CALD1: variants seen among roughly 807,000 people sequenced by gnomAD.
The protein encoded by CALD1 is caldesmon 1.
Under a neutral mutation model 99.9 loss-of-function variants are expected in CALD1, and 33 were observed. The ratio of observed to expected loss-of-function variants is 0.33; its 90% CI spans 0.25 to 0.44. CALD1 has a LOEUF of 0.44. Ranked by LOEUF, CALD1 falls within the 20% of genes least tolerant of loss-of-function variation. The pLI is 1.00. For synonymous variants in CALD1, 310 were observed against 325.0 expected (o/e 0.95, Z 0.50); for missense variants, 861 against 962.1 (o/e 0.89, Z 1.39).
At chr7:134,939,799 C>T (rs1171509507) in intron 6 of CALD1, among the ~76,000 whole-genome samples, 5 of 152,004 alleles carry the variant, frequency 3.3e-5, no homozygotes, top group African/African-American at 1.2e-4. Context: ...CCATTCTCTA[C>T]TAAAAAATAC....
At chr7:134,847,059 G>T (rs190518642) in intron 2 of CALD1, among the ~76,000 whole-genome samples, 4 of 152,294 alleles carry the variant, frequency 2.6e-5, no homozygotes, top group Non-Finnish European at 1.5e-5. Flanking sequence ...TCAGCTCGTG[G>T]GCTTGGAGAG....
At chr7:134,733,808 CAA>C in the CALD1 span, among the ~76,000 whole-genome samples, 4 of 126,310 alleles carry the variant, frequency 3.2e-5, no homozygotes, top group Admixed American at 7.9e-5. Context: ...GACTCTGTCT[CAA>C]AAAAAAAAAC....
chr7:134,775,318 T>C (rs976846236), upstream of CALD1, among the ~76,000 whole-genome samples: 1 of 152,220 alleles, frequency 6.6e-6, no homozygotes, highest in Non-Finnish European at 1.5e-5. Flanking sequence ...AATTGTTCTA[T>C]AAAAAAACCT....
chr7:134,900,795 C>T (rs928392826), intron 3 of CALD1, among the ~76,000 whole-genome samples: 1 of 152,050 alleles, frequency 6.6e-6, no homozygotes, highest in Non-Finnish European at 1.5e-5. Context: ...ATCAGTGTGA[C>T]ATTTCCATCT....
chr7:134,931,727 T>C (rs1805534527), intron 4 of CALD1, among the ~76,000 whole-genome samples: 1 of 152,144 alleles, frequency 6.6e-6, no homozygotes, highest in Admixed American at 6.5e-5. Flanking sequence ...CATCCTGCAG[T>C]AGTGAGGGAG....
chr7:134,752,923 G>A (rs1796697056), intron 1 of CALD1, among the ~76,000 whole-genome samples: 1 of 147,820 alleles, frequency 6.8e-6, no homozygotes, highest in South Asian at 2.1e-4. Flanking sequence ...AGGAGGAGAA[G>A]CACTTGAACC....
intron 1 of CALD1, among the ~76,000 whole-genome samples, chr7:134,763,662 G>A (rs78382183): frequency 0.045 from 6,878 of 152,214 alleles, 339 homozygotes; most frequent in East Asian, 0.13. Context: ...GCTCACGTCT[G>A]TAATCCCAGC....
At position 134,789,356 on chromosome 7, in the gene CALD1, T is replaced by C. The variant is rs147552953; in HGVS notation, c.-130+9607T>C. Among the ~76,000 whole-genome samples, 4 of 152,354 alleles carry C rather than the reference T, an allele frequency of 2.6e-5. No homozygotes were observed. In the East Asian group the frequency reaches 7.7e-4, roughly 29 times the overall value. On this transcript the variant is annotated intron_variant, in intron 1 of 14. Transcript: ENST00000361675. ...CTGCCCACCTTCTTTACCACTGTGC[T>C]ATGCTGCCTCTTGCTAGTTACTCCA...
the CALD1 span, among the ~76,000 whole-genome samples, chr7:134,737,185 C>T: frequency 6.6e-6 from 1 of 152,178 alleles, no homozygotes; most frequent in Non-Finnish European, 1.5e-5. Context: ...AGTGCAGTGG[C>T]ACTATCACAG....
intron 7 of CALD1, among the ~76,000 whole-genome samples, chr7:134,947,094 C>CT (rs1410506903): frequency 2.0e-5 from 3 of 152,128 alleles, no homozygotes; most frequent in Non-Finnish European, 4.4e-5. Flanking sequence ...TCTCTTGGTC[C>CT]TTGTAAATAA....
rs565782957 is a variant in CALD1 at position 134,882,066 on chromosome 7, G to A, written c.71+14262G>A. Among the ~76,000 whole-genome samples, 16 of 152,266 alleles carry A rather than the reference G, an allele frequency of 1.1e-4. No homozygotes were observed. In the East Asian group the frequency reaches 2.1e-3, roughly 20 times the overall value. ...TTTCTCCACCAAATTGAAAGCAACCGTAGATCAGAAACTACATCTTACTCA... is the reference window on the plus strand; with the variant it reads ...TTTCTCCACCAAATTGAAAGCAACCATAGATCAGAAACTACATCTTACTCA... On this transcript the variant is annotated intron_variant, in intron 3 of 14. Coordinates refer to ENST00000361675, the MANE Select transcript of CALD1 (RefSeq NM_033138.4).
upstream of CALD1, among the ~76,000 whole-genome samples, chr7:134,778,767 G>T (rs1473564926): frequency 6.6e-6 from 1 of 152,170 alleles, no homozygotes; most frequent in Non-Finnish European, 1.5e-5. Flanking sequence ...CCCAAAGCAG[G>T]TGGTGGGTCT....
chr7:134,893,501 T>C (rs541168700), intron 3 of CALD1, among the ~76,000 whole-genome samples: 2 of 152,216 alleles, frequency 1.3e-5, no homozygotes, highest in East Asian at 1.9e-4. Context: ...GTAAAAACTA[T>C]AGGAGTACCT....
intron 9 of CALD1, among the ~76,000 whole-genome samples, chr7:134,954,440 A>G (rs1298917387): frequency 6.6e-6 from 1 of 152,200 alleles, no homozygotes. Context: ...TAAATTCCTT[A>G]AACAGAACAT....
upstream of CALD1, among the ~76,000 whole-genome samples, chr7:134,740,977 C>A (rs904028395): frequency 5.9e-5 from 9 of 152,148 alleles, no homozygotes; most frequent in African/African-American, 1.4e-4. Flanking sequence ...ACTAGTGTCC[C>A]CATTTTATGG....
At chr7:134,943,805 GTATACT>G (rs1806645744) in intron 7 of CALD1, among the ~76,000 whole-genome samples, 1 of 152,202 alleles carries the variant, frequency 6.6e-6, no homozygotes, top group South Asian at 2.1e-4. Flanking sequence ...ACGTGTGTGA[GTATACT>G]TATAATTTTA....
chr7:134,917,429 A>G (rs970675817), intron 3 of CALD1, among the ~76,000 whole-genome samples: 1 of 151,954 alleles, frequency 6.6e-6, no homozygotes, highest in Non-Finnish European at 1.5e-5. Context: ...GCTTACTACA[A>G]CCTCCATTTC....
intron 3 of CALD1, among the ~76,000 whole-genome samples, chr7:134,877,090 A>C (rs1019310680): frequency 6.6e-6 from 1 of 152,214 alleles, no homozygotes; most frequent in East Asian, 1.9e-4. Flanking sequence ...AGCACTTAGT[A>C]GTCCCTAAAA....
the CALD1 span, among the ~76,000 whole-genome samples, chr7:134,732,888 G>A: frequency 6.6e-6 from 1 of 152,252 alleles, no homozygotes; most frequent in Non-Finnish European, 1.5e-5. Context: ...CAAGCGGGAT[G>A]GGCCCAGGCC....
Sources: allele counts gnomAD v4.1 joint callset (sites outside exome capture counted in the v4.1 genomes callset), GRCh38; gene constraint gnomAD v4.1.1; transcripts MANE v1.5; gene names NCBI Gene and HGNC (gene_info 2026-07-23, HGNC 2026-07-21).